The following OPCML variants were observed in gnomAD, a reference collection of about 807,000 sequenced individuals.
The protein encoded by OPCML is opioid-binding protein/cell adhesion molecule.
A neutral mutation model predicts 37.8 loss-of-function variants in OPCML; 13 were observed. The ratio of observed to expected loss-of-function variants is 0.34; its 90% CI spans 0.22 to 0.55. The LOEUF is 0.55. OPCML is among the 20% of genes least tolerant of loss of function. The pLI, the probability that OPCML is intolerant of heterozygous loss-of-function variation, is 0.91. For missense variants in OPCML, 341 were observed against 435.6 expected (o/e 0.78, Z 1.93); for synonymous variants, 176 against 168.8 (o/e 1.04, Z -0.33).
chr11:133,462,532 A>G (rs1946881126), intron 1 of OPCML, among the ~76,000 whole-genome samples: 1 of 152,172 alleles, frequency 6.6e-6, no homozygotes. Flanking sequence ...AAGGACTTTA[A>G]TAGATATTTT....
At chr11:133,497,599 C>G (rs548425352) in intron 1 of OPCML, among the ~76,000 whole-genome samples, 1 of 151,112 alleles carries the variant, frequency 6.6e-6, no homozygotes, top group Non-Finnish European at 1.5e-5. Context: ...TTGGTCACGT[C>G]GCTCTTGTTA....
At chr11:133,512,382 G>T (rs1446246763) in intron 1 of OPCML, among the ~76,000 whole-genome samples, 1 of 152,216 alleles carries the variant, frequency 6.6e-6, no homozygotes, top group Non-Finnish European at 1.5e-5. Context: ...TGGAAGGAAT[G>T]AATGGAGTAA....
At chr11:132,958,697 C>T (rs548783919) in intron 1 of OPCML, among the ~76,000 whole-genome samples, 1 of 152,310 alleles carries the variant, frequency 6.6e-6, no homozygotes, top group South Asian at 2.1e-4. Context: ...AAGAATCATG[C>T]CAAATCTACT....
chr11:132,565,869 C>G (rs1591558911), intron 3 of OPCML, among the ~76,000 whole-genome samples: 1 of 152,106 alleles, frequency 6.6e-6, no homozygotes, highest in East Asian at 1.9e-4. Context: ...CCTGTCTCTA[C>G]TAAAAATACA....
intron 1 of OPCML, among the ~76,000 whole-genome samples, chr11:133,175,857 G>A (rs1331169419): frequency 6.6e-6 from 1 of 152,076 alleles, no homozygotes; most frequent in Non-Finnish European, 1.5e-5. Flanking sequence ...CCTGTATGTT[G>A]GGAGCCTAGT....
intron 1 of OPCML, among the ~76,000 whole-genome samples, chr11:133,201,815 T>C (rs1938808186): frequency 6.6e-6 from 1 of 152,252 alleles, no homozygotes. Flanking sequence ...GTTGGAGGTC[T>C]CTGCCTGCCT....
chr11:132,897,912 A>G (rs1433076960), intron 2 of OPCML, among the ~76,000 whole-genome samples: 2 of 152,206 alleles, frequency 1.3e-5, no homozygotes, highest in East Asian at 1.9e-4. Flanking sequence ...TTTGTTTCTC[A>G]TGTAAATGCT....
At chr11:133,417,133 G>A (rs1945786009) in intron 1 of OPCML, among the ~76,000 whole-genome samples, 1 of 152,116 alleles carries the variant, frequency 6.6e-6, no homozygotes, top group Non-Finnish European at 1.5e-5. Context: ...CCTCTGTAAT[G>A]TCCTTTATAA....
intron 1 of OPCML, among the ~76,000 whole-genome samples, chr11:133,458,215 TAC>T (rs554923134): frequency 3.8e-5 from 5 of 131,264 alleles, no homozygotes; most frequent in African/African-American, 1.8e-4. Flanking sequence ...TGTGTATATA[TAC>T]ACATATATAC....
At chr11:132,556,421 TTTTA>T (rs2137466595) in intron 3 of OPCML, among the ~76,000 whole-genome samples, 2 of 152,292 alleles carry the variant, frequency 1.3e-5, no homozygotes, top group South Asian at 4.1e-4. Context: ...AATCATAAAA[TTTTA>T]GAGCTACAAG....
At chr11:133,335,763 G>C (rs1943732603) in intron 1 of OPCML, among the ~76,000 whole-genome samples, 1 of 152,078 alleles carries the variant, frequency 6.6e-6, no homozygotes, top group Non-Finnish European at 1.5e-5. Flanking sequence ...CCAGCTGTAT[G>C]GATTAAGAGA....
intron 1 of OPCML, among the ~76,000 whole-genome samples, chr11:133,140,675 AAAG>A (rs1488119981): frequency 2.6e-5 from 3 of 115,034 alleles, no homozygotes; most frequent in Non-Finnish European, 5.4e-5. Context: ...AGAAAAGAAG[AAAG>A]AAGAAAGATG....
intron 1 of OPCML, among the ~76,000 whole-genome samples, chr11:133,109,157 T>C (rs1175032330): frequency 6.6e-6 from 1 of 152,248 alleles, no homozygotes; most frequent in Admixed American, 6.5e-5. Context: ...CCACTGTGTC[T>C]GGAGTTGGTT....
At chr11:133,179,011 G>A (rs1209209022) in intron 1 of OPCML, among the ~76,000 whole-genome samples, 1 of 152,032 alleles carries the variant, frequency 6.6e-6, no homozygotes, top group East Asian at 1.9e-4. Flanking sequence ...CTCCATGACT[G>A]GCTATTCCCC....
At chr11:132,558,187 C>A (rs1215058471) in intron 3 of OPCML, among the ~76,000 whole-genome samples, 3 of 152,032 alleles carry the variant, frequency 2.0e-5, no homozygotes, top group Non-Finnish European at 2.9e-5. Context: ...CATAAAAATT[C>A]TGATTTCTTC....
At chr11:133,511,293 A>G (rs1012377266) in intron 1 of OPCML, among the ~76,000 whole-genome samples, 1 of 152,110 alleles carries the variant, frequency 6.6e-6, no homozygotes, top group Non-Finnish European at 1.5e-5. Context: ...TCTTTTAAAC[A>G]AAGCGAGTCC....
intron 2 of OPCML, among the ~76,000 whole-genome samples, chr11:132,905,389 G>A (rs940512069): frequency 2.6e-5 from 4 of 151,698 alleles, no homozygotes; most frequent in Non-Finnish European, 4.4e-5. Context: ...CTGCCACCAC[G>A]TCCGGCTAAT....
rs374516026 is a variant in OPCML at position 132,769,240 on chromosome 11, G to GTTTT, written c.147-111922_147-111921insAAAA. Among the ~76,000 whole-genome samples the GTTTT allele has an allele frequency of 4.2e-4, 62 of 146,604 alleles. 4 individuals are homozygous for GTTTT. The highest frequency in any genetic ancestry group is 4.0e-4 in the African/African-American group (16 of 39,838). ...TATTTTTTTGTTTTTTGGTTTGTTT[G>GTTTT]TTGTTTTTTTTTTTTGAGACGGAGT... On this transcript the variant is annotated intron_variant, in intron 2 of 7. Transcript: ENST00000524381.
At chr11:132,720,463 C>G (rs1591514366) in intron 2 of OPCML, among the ~76,000 whole-genome samples, 1 of 152,236 alleles carries the variant, frequency 6.6e-6, no homozygotes, top group African/African-American at 2.4e-5. Flanking sequence ...TTTTTAAAGT[C>G]TCTGGAAGAA....
Sources: gnomAD v4.1 joint callset for allele counts (sites outside exome capture counted in the v4.1 genomes callset) on GRCh38, gnomAD v4.1.1 for gene constraint, MANE v1.5 for transcripts, NCBI Gene and HGNC (gene_info 2026-07-23, HGNC 2026-07-21) for gene names.